FLT1: variants seen among roughly 807,000 people sequenced by gnomAD.
The protein encoded by FLT1 is fms related receptor tyrosine kinase 1, also known as vascular endothelial growth factor receptor 1.
In FLT1, 49 loss-of-function variants were observed where a neutral mutation model predicts 156.3. The ratio of observed to expected loss-of-function variants is 0.31; its 90% CI spans 0.25 to 0.40. The LOEUF (loss-of-function observed/expected upper bound fraction) is 0.40. Ranked by LOEUF, FLT1 falls within the 10% of genes least tolerant of loss-of-function variation. FLT1 has a pLI of 1.00. For synonymous variants in FLT1, 594 were observed against 583.8 expected, an observed-to-expected ratio of 1.02 and a Z score of -0.25; for missense variants, 1,322 against 1,637.2, an observed-to-expected ratio of 0.81 and a Z score of 3.32.
In FLT1 at chr13:28,322,023, T is replaced by C. The variant is rs1466553990; in HGVS notation, c.3051+239A>G. ...GCCAGAGGATACTGTGGAGAGCCGA[T>C]GCCAGGTTTGTCTAGTCTGAAACCT... On this transcript the variant is annotated intron_variant, in intron 22 of 29. Coordinates refer to ENST00000282397, the MANE Select transcript of FLT1 (RefSeq NM_002019.4). This position sits in a 1 kb window ranked among gnomAD's most constrained non-coding sequence, Gnocchi z 4.3. Among the ~76,000 whole-genome samples the C allele has an allele frequency of 3.9e-5, 6 of 152,244 alleles. No homozygotes were observed. The highest frequency in any genetic ancestry group is 8.8e-5 in the Non-Finnish European group (6 of 68,046).
chr13:28,431,031 A>G (rs1877647322), intron 7 of FLT1, 105 bp downstream of exon 7: 10 of 1,016,794 alleles, frequency 9.8e-6, no homozygotes, highest in Non-Finnish European at 1.6e-5. Context: ...TTCATTCATG[A>G]TAATGTAACT....
chr13:28,403,811 A>C (rs552986527), intron 11 of FLT1, among the ~76,000 whole-genome samples: 13 of 152,154 alleles, frequency 8.5e-5, no homozygotes, highest in Non-Finnish European at 1.8e-4. Flanking sequence ...TGGGAAGCCA[A>C]GGCAGGCGGA....
chr13:28,396,721 C>T, intron 12 of FLT1: 1 of 623,350 alleles, frequency 1.6e-6, no homozygotes, highest in Non-Finnish European at 2.9e-6. Context: ...AATTCATAAT[C>T]CAGTCTGGGA....
intron 3 of FLT1, among the ~76,000 whole-genome samples, chr13:28,454,085 C>T (rs1032641335): frequency 8.5e-5 from 13 of 152,300 alleles, no homozygotes; most frequent in Admixed American, 8.5e-4. Context: ...CCCCAGTCCA[C>T]ACCCCTCTTA....
intron 15 of FLT1, among the ~76,000 whole-genome samples, chr13:28,346,868 CA>C: frequency 6.6e-6 from 1 of 152,234 alleles, no homozygotes; most frequent in South Asian, 2.1e-4. Context: ...ACTATGAAGT[CA>C]GGGGCAGTAA....
intron 11 of FLT1, among the ~76,000 whole-genome samples, chr13:28,399,935 A>G (rs2137479378): frequency 6.6e-6 from 1 of 152,310 alleles, no homozygotes; most frequent in South Asian, 2.1e-4. Flanking sequence ...ATCCTCCCCA[A>G]AACCCTGTGA....
chr13:28,467,605 C>G lies in FLT1; in HGVS notation c.77G>C (p.Gly26Ala). Reference protein sequence around the residue: ...SCLLLTGSSSGSKLKDPELSL... With the variant: ...SCLLLTGSSSASKLKDPELSL... Reference sequence around the variant, plus strand: ...CAGTTCAGGATCTTTTAATTTTGAACCTGAACTAGATCCTGAAAAACAAAT... The same window carrying G: ...CAGTTCAGGATCTTTTAATTTTGAAGCTGAACTAGATCCTGAAAAACAAAT... Residue 26 changes from glycine (G) to alanine (A), a missense_variant, in exon 2 of 30, where the codon GGT becomes GCT. Coordinates refer to ENST00000282397, the MANE Select transcript of FLT1 (RefSeq NM_002019.4). 6.3e-7 allele frequency: 1 copy of G among 1,596,708 alleles called. No homozygotes were observed. The highest frequency in any genetic ancestry group is 2.2e-5 in the East Asian group (1 of 44,730).
chr13:28,437,597 T>TA (rs1460124407), intron 4 of FLT1, among the ~76,000 whole-genome samples: 1 of 152,242 alleles, frequency 6.6e-6, no homozygotes, highest in Non-Finnish European at 1.5e-5. Flanking sequence ...GTCATAGGTT[T>TA]AGTTTTTGTC....
At chr13:28,406,828 G>T (rs1219201926) in intron 10 of FLT1, among the ~76,000 whole-genome samples, 1 of 152,102 alleles carries the variant, frequency 6.6e-6, no homozygotes, top group African/African-American at 2.4e-5. Context: ...AAAATGAGTG[G>T]TTCATCTTTA....
chr13:28,359,778 A>G (rs1367136492), intron 14 of FLT1, among the ~76,000 whole-genome samples: 1 of 152,206 alleles, frequency 6.6e-6, no homozygotes. Flanking sequence ...AGTTATATGA[A>G]AAAAATACTC....
chr13:28,379,360 C>CA (rs1227551994), intron 14 of FLT1, among the ~76,000 whole-genome samples: 1 of 152,052 alleles, frequency 6.6e-6, no homozygotes, highest in Non-Finnish European at 1.5e-5. Context: ...AACAAAAAAG[C>CA]ATTAGTGGGA....
At chr13:28,428,832 C>T (rs1318337237) in intron 8 of FLT1, among the ~76,000 whole-genome samples, 1 of 152,114 alleles carries the variant, frequency 6.6e-6, no homozygotes, top group Admixed American at 6.5e-5. Context: ...TTATAAAGTC[C>T]TACAAACAAA....
At chr13:28,410,757 A>AT (rs1876116891) in intron 10 of FLT1, among the ~76,000 whole-genome samples, 1 of 152,234 alleles carries the variant, frequency 6.6e-6, no homozygotes, top group Non-Finnish European at 1.5e-5. Flanking sequence ...CAGTCACCCT[A>AT]TGAAGCAAGC....
chr13:28,370,466 T>TA (rs917416562), intron 14 of FLT1, among the ~76,000 whole-genome samples: 22 of 152,122 alleles, frequency 1.4e-4, no homozygotes, highest in African/African-American at 5.3e-4. Context: ...TAAAGTATAA[T>TA]AAAAAAATGG....
At chr13:28,381,696 C>T (rs1436514226) in intron 14 of FLT1, among the ~76,000 whole-genome samples, 50 of 152,330 alleles carry the variant, frequency 3.3e-4, no homozygotes, top group Non-Finnish European at 5.9e-5. Context: ...TTCCACAAAA[C>T]TACCCATCTT....
At chr13:28,354,743 G>A (rs1440780536) in intron 15 of FLT1, among the ~76,000 whole-genome samples, 4 of 152,006 alleles carry the variant, frequency 2.6e-5, no homozygotes, top group African/African-American at 9.6e-5. Flanking sequence ...ACTACAAAAA[G>A]CAGACACAAG....
chr13:28,355,927 A>G (rs1456298312), intron 15 of FLT1, among the ~76,000 whole-genome samples: 1 of 152,232 alleles, frequency 6.6e-6, no homozygotes, highest in Non-Finnish European at 1.5e-5. Flanking sequence ...AACCCACATC[A>G]ACCTGGCAGA....
chr13:28,397,486 C>A lies in FLT1; in HGVS notation c.1552-418G>T, dbSNP rs537674660. Among the ~76,000 whole-genome samples the A allele has an allele frequency of 7.2e-5, 11 of 152,234 alleles. No individual in the cohort carries two copies. The East Asian group carries it at 1.9e-3, about 27-fold the overall frequency. ...CATAGATGCCAGTTATAACAGGAGCCTTCTCTGCTGTTTGGTTCTATAACA... is the reference window on the plus strand; with the variant it reads ...CATAGATGCCAGTTATAACAGGAGCATTCTCTGCTGTTTGGTTCTATAACA... On this transcript the variant is annotated intron_variant, in intron 11 of 29. Coordinates refer to ENST00000282397, the MANE Select transcript of FLT1 (RefSeq NM_002019.4).
intron 13 of FLT1, chr13:28,388,465 T>TA (rs1874505065): frequency 2.0e-6 from 2 of 1,009,858 alleles, no homozygotes; most frequent in African/African-American, 3.4e-5. Context: ...TTTTTTTTTT[T>TA]AAATAGTTTA....
Sources: gnomAD v4.1 joint callset for allele counts (sites outside exome capture counted in the v4.1 genomes callset) on GRCh38, gnomAD v4.1.1 for gene constraint, Gnocchi (gnomAD v3.1) non-coding constraint, MANE v1.5 for transcripts, NCBI Gene and HGNC (gene_info 2026-07-23, HGNC 2026-07-21) for gene names.